Variants in FBXW10 observed in about 807,000 individuals in gnomAD.
The protein encoded by FBXW10 is F-box/WD repeat-containing protein 10.
Under a neutral mutation model 113.1 loss-of-function variants are expected in FBXW10, and 68 were observed. That is an observed-to-expected ratio of 0.60 (90% CI 0.49 to 0.74). FBXW10 has a LOEUF of 0.74. Ranked by LOEUF, FBXW10 falls within the 30% of genes least tolerant of loss-of-function variation. The probability of loss-of-function intolerance (pLI) is 0.00; values close to 1 mark genes in which losing one functional copy is unlikely to be tolerated. For missense variants in FBXW10, 753 were observed against 1,284.5 expected (o/e 0.59, Z 6.32); for synonymous variants, 289 against 481.6 (o/e 0.60, Z 5.24).
intron 10 of FBXW10, chr17:18,769,331 T>G (rs553309377): frequency 6.5e-6 from 1 of 152,914 alleles, no homozygotes; most frequent in East Asian, 1.9e-4. Context: ...GAGACAAACA[T>G]GATCATCTAT....
At chr17:18,748,328 G>A (rs1277514449) in intron 2 of FBXW10, among the ~76,000 whole-genome samples, 7 of 150,686 alleles carry the variant, frequency 4.6e-5, no homozygotes, top group East Asian at 3.9e-4. Flanking sequence ...GCAGAAGGGC[G>A]TGAAGCCGGG....
intron 7 of FBXW10, among the ~76,000 whole-genome samples, chr17:18,763,350 G>T (rs1376158728): frequency 6.6e-6 from 1 of 152,028 alleles, no homozygotes; most frequent in Admixed American, 6.6e-5. Context: ...TAGAGACAGG[G>T]TTTCACCATG....
At chr17:18,768,912 T>G (rs912770548) in intron 10 of FBXW10, among the ~76,000 whole-genome samples, 3 of 150,254 alleles carry the variant, frequency 2.0e-5, no homozygotes, top group Non-Finnish European at 4.4e-5. Context: ...CTATAGAAAC[T>G]GGGGGTTTTG....
intron 6 of FBXW10, among the ~76,000 whole-genome samples, chr17:18,757,097 C>T (rs200883433): frequency 2.2e-3 from 306 of 140,100 alleles, no homozygotes; most frequent in African/African-American, 5.6e-3. Context: ...CACATATACA[C>T]ATATGTACAT....
At chr17:18,758,732 T>C (rs1567619221) in intron 7 of FBXW10, among the ~76,000 whole-genome samples, 1 of 147,730 alleles carries the variant, frequency 6.8e-6, no homozygotes, top group African/African-American at 2.5e-5. Context: ...TATTTTCTAA[T>C]TGATGACTGC....
chr17:18,761,621 AG>A (rs2035387793), intron 7 of FBXW10, among the ~76,000 whole-genome samples: 2 of 152,222 alleles, frequency 1.3e-5, no homozygotes, highest in African/African-American at 4.8e-5. Flanking sequence ...TTTTGGAGTA[AG>A]TTTACCAACT....
chr17:18,776,149 T>C (rs2035694379), intron 13 of FBXW10, among the ~76,000 whole-genome samples: 1 of 152,014 alleles, frequency 6.6e-6, no homozygotes, highest in African/African-American at 2.4e-5. Flanking sequence ...TGAAACCCCA[T>C]CTCTACTAAA....
In FBXW10 at chr17:18,758,310, A is replaced by T. The variant is rs200464103; in HGVS notation, c.1238A>T (p.Asp413Val). 9,865 of 1,571,134 alleles carry T rather than the reference A, an allele frequency of 6.3e-3. 19 individuals are homozygous for T. Among genetic ancestry groups the T allele is most frequent in the Non-Finnish European group, 7.0e-3 (8,091 of 1,153,822 alleles). ...CCTTTTCCCCTGGCACTCAGGTGGG[A>T]TCAAAACCGAGTCATCCACTATTCC... ...YNVRILSDTW[D>V]QNRVIHYSGG... The change falls in exon 7 of 14, where the codon GAT (aspartate) becomes GTT (valine). Residue 413 changes from aspartate (D) to valine (V), a missense_variant. Transcript: ENST00000395665.
intron 5 of FBXW10, among the ~76,000 whole-genome samples, chr17:18,751,828 A>G (rs2035176935): frequency 1.3e-5 from 2 of 151,934 alleles, no homozygotes; most frequent in Admixed American, 6.6e-5. Flanking sequence ...TTCCAGGTTT[A>G]CTCTGGCTCT....
rs758319701 is a variant in FBXW10 at position 18,769,959 on chromosome 17, G to A, written c.1880G>A (p.Arg627Gln). 17 of 1,613,970 alleles carry A rather than the reference G, an allele frequency of 1.1e-5. No homozygotes were observed. Among genetic ancestry groups the A allele is most frequent in the East Asian group, 2.2e-5 (1 of 44,894 alleles). The change falls in exon 11 of 14, where the codon CGG becomes CAG. Residue 627 changes from arginine to glutamine, a missense_variant. By Grantham distance (43) the Arg-to-Gln change is conservative. Coordinates refer to ENST00000395665, the MANE Select transcript of FBXW10 (RefSeq NM_001267585.2). The part of the protein sequence containing the change: ...EVLDVSLLFL[R>Q]VISACADGKI... ...CTCGACGTGTCCCTTCTCTTCCTCCGGGTCATCAGCGCCTGTGCAGATGGC... is the reference window on the plus strand; with the variant it reads ...CTCGACGTGTCCCTTCTCTTCCTCCAGGTCATCAGCGCCTGTGCAGATGGC...
Position 18,768,382 on chromosome 17 carries a change from G to C in FBXW10, c.1705-152G>C, listed in dbSNP as rs555225559. On this transcript the variant is annotated intron_variant, in intron 9 of 13. Coordinates refer to ENST00000395665, the MANE Select transcript of FBXW10 (RefSeq NM_001267585.2). ...CACCCGGCCTCCATCGGCCTTCTTA[G>C]AGCAAAAGCAGGATTAGCTCAGGTA... 3.8e-5 allele frequency: 42 copies of C among 1,104,490 alleles called. 1 individual carries two copies. In the Middle Eastern group the frequency reaches 3.0e-3, roughly 80 times the overall value. The allele number at this position is 1,104,490 out of a possible 1,614,324, so 68.4% of individuals were successfully genotyped here.
chr17:18,777,487 T>C (rs1454500243), intron 13 of FBXW10, among the ~76,000 whole-genome samples: 1 of 152,118 alleles, frequency 6.6e-6, no homozygotes, highest in African/African-American at 2.4e-5. Context: ...TATAAATTTA[T>C]AAGATCTGCT....
intron 6 of FBXW10, among the ~76,000 whole-genome samples, chr17:18,757,482 T>A (rs1399692663): frequency 1.3e-5 from 2 of 152,200 alleles, no homozygotes; most frequent in Non-Finnish European, 2.9e-5. Flanking sequence ...CCTAGTGTCA[T>A]TAATAATAGT....
At chr17:18,760,573 G>C (rs1011468628) in intron 7 of FBXW10, among the ~76,000 whole-genome samples, 7 of 152,248 alleles carry the variant, frequency 4.6e-5, no homozygotes, top group Non-Finnish European at 7.3e-5. Context: ...GGAGGCTGAG[G>C]CAGGCGGATC....
intron 10 of FBXW10, among the ~76,000 whole-genome samples, chr17:18,769,214 C>T (rs1284944984): frequency 6.6e-6 from 1 of 151,828 alleles, no homozygotes; most frequent in Admixed American, 6.6e-5. Flanking sequence ...GGATTACAGG[C>T]GTGAGCCACC....
At chr17:18,750,718 C>T (rs2035150333) in intron 4 of FBXW10, among the ~76,000 whole-genome samples, 1 of 152,060 alleles carries the variant, frequency 6.6e-6, no homozygotes, top group Non-Finnish European at 1.5e-5. Flanking sequence ...TACTGGTCCC[C>T]CTGTGGCATT....
chr17:18,768,518 G>A lies in FBXW10; in HGVS notation c.1705-16G>A. On this transcript the variant is annotated splice_polypyrimidine_tract_variant and intron_variant, in intron 9 of 13. Coordinates refer to ENST00000395665, the MANE Select transcript of FBXW10 (RefSeq NM_001267585.2). The stretch of plus-strand genomic sequence containing the variant: ...GTCACAGTCTGAGTTGAAGACAGTG[G>A]TATCTTTTCTTGCAGACTCTCAGTG... 6.2e-7 allele frequency: 1 copy of A among 1,613,842 alleles called. No individual in the cohort carries two copies. The highest frequency in any genetic ancestry group is 8.5e-7 in the Non-Finnish European group (1 of 1,179,884).
chr17:18,759,825 CAGG>C (rs1222979985), intron 7 of FBXW10, among the ~76,000 whole-genome samples: 1 of 152,102 alleles, frequency 6.6e-6, no homozygotes, highest in Admixed American at 6.5e-5. Flanking sequence ...CCATGTTAGC[CAGG>C]ATGGTCTCGA....
intron 8 of FBXW10, 40 bp downstream of exon 8, chr17:18,764,903 C>G (rs1341503481): frequency 6.2e-7 from 1 of 1,613,604 alleles, no homozygotes; most frequent in Non-Finnish European, 8.5e-7. Flanking sequence ...GAAGTTTCCC[C>G]CGACCCACGG....
Sources: gnomAD v4.1 joint callset for allele counts (sites outside exome capture counted in the v4.1 genomes callset) on GRCh38, gnomAD v4.1.1 for gene constraint, MANE v1.5 for transcripts, NCBI Gene and HGNC (gene_info 2026-07-23, HGNC 2026-07-21) for gene names.